PICALM: variants seen among roughly 807,000 people sequenced by gnomAD.
The protein encoded by PICALM is phosphatidylinositol binding clathrin assembly protein.
PICALM carries 40 observed loss-of-function variants against 80.5 expected under a neutral mutation model. That is an observed-to-expected ratio of 0.50 (90% confidence interval 0.39 to 0.65). The LOEUF is 0.65. PICALM is among the 30% of genes least tolerant of loss of function. The probability of loss-of-function intolerance (pLI) is 0.00; values close to 1 mark genes in which losing one functional copy is unlikely to be tolerated. For synonymous variants in PICALM, 288 were observed against 260.3 expected (o/e 1.11, Z -1.02); for missense variants, 676 against 778.9 (o/e 0.87, Z 1.57).
chr11:86,029,101 A>G (rs773914600), intron 2 of PICALM, among the ~76,000 whole-genome samples: 5 of 152,104 alleles, frequency 3.3e-5, no homozygotes, highest in Non-Finnish European at 7.4e-5. Flanking sequence ...GGCCTCCCAA[A>G]TTGCTGGGAT....
At chr11:86,048,972 A>G (rs546768755) in intron 1 of PICALM, among the ~76,000 whole-genome samples, 3 of 152,206 alleles carry the variant, frequency 2.0e-5, no homozygotes, top group South Asian at 2.1e-4. Flanking sequence ...CAATTCTGAA[A>G]ATGGGAGGCA....
intron 1 of PICALM, among the ~76,000 whole-genome samples, chr11:86,044,534 C>A (rs768775420): frequency 1.4e-4 from 22 of 151,728 alleles, no homozygotes; most frequent in Non-Finnish European, 3.1e-4. Context: ...ACAATTAAAA[C>A]AATCTGATCA....
chr11:85,974,555 GCT>G (rs2094213277), intron 19 of PICALM, 151 bp downstream of exon 19: 2 of 720,916 alleles, frequency 2.8e-6, no homozygotes, highest in Non-Finnish European at 5.1e-6. Flanking sequence ...TATTCCTAAA[GCT>G]CTTATATAAG....
At chr11:85,993,906 G>A (rs954484877) in intron 12 of PICALM, among the ~76,000 whole-genome samples, 1 of 151,846 alleles carries the variant, frequency 6.6e-6, no homozygotes, top group East Asian at 1.9e-4. Context: ...ACATGGTAGA[G>A]ACAAGGTATT....
chr11:86,000,640 T>C lies in PICALM; in HGVS notation c.1154+3A>G. The C allele has an allele frequency of 6.2e-7, 1 of 1,610,712 alleles. No homozygotes were observed. The highest frequency in any genetic ancestry group is 8.5e-7 in the Non-Finnish European group (1 of 1,179,104). ...CAAAGGTAACCTTAACTTCTACTCCTACCTGTTAGAAGAACTAGGGGTAGA... is the reference window on the plus strand; with the variant it reads ...CAAAGGTAACCTTAACTTCTACTCCCACCTGTTAGAAGAACTAGGGGTAGA... On this transcript the variant is annotated splice_donor_region_variant and intron_variant, in intron 11 of 19. Coordinates refer to ENST00000393346, the MANE Select transcript of PICALM (RefSeq NM_007166.4).
At chr11:86,068,469 G>A (rs1393077451) in intron 1 of PICALM, among the ~76,000 whole-genome samples, 182 bp downstream of exon 1, 1 of 152,114 alleles carries the variant, frequency 6.6e-6, no homozygotes, top group Non-Finnish European at 1.5e-5. Flanking sequence ...GGGAGCGGAG[G>A]CCGTGAAGGC....
At chr11:86,017,884 T>A (rs796291039) in intron 4 of PICALM, among the ~76,000 whole-genome samples, 2 of 152,254 alleles carry the variant, frequency 1.3e-5, no homozygotes, top group African/African-American at 4.8e-5. Context: ...CACTCTCAAA[T>A]GGTTCAGAAA....
chr11:85,987,913 A>C (rs2094628924), intron 13 of PICALM, among the ~76,000 whole-genome samples: 1 of 152,262 alleles, frequency 6.6e-6, no homozygotes, highest in Admixed American at 6.5e-5. Context: ...AAAAAGGTTA[A>C]ATACTTGCTT....
At chr11:85,994,659 A>G (rs2094900000) in intron 12 of PICALM, among the ~76,000 whole-genome samples, 1 of 152,256 alleles carries the variant, frequency 6.6e-6, no homozygotes, top group South Asian at 2.1e-4. Flanking sequence ...TCAAGTAAAT[A>G]GTTAACTTCA....
chr11:85,983,765 A>G (rs1276203695), intron 14 of PICALM, 101 bp downstream of exon 14: 1 of 529,090 alleles, frequency 1.9e-6, no homozygotes, highest in Non-Finnish European at 3.3e-6. Context: ...TGGCTACCCC[A>G]GTTTAATATA....
chr11:86,065,252 C>A (rs1051315302), intron 1 of PICALM, among the ~76,000 whole-genome samples: 1 of 152,136 alleles, frequency 6.6e-6, no homozygotes, highest in Non-Finnish European at 1.5e-5. Context: ...TCCAGACCAT[C>A]CTGGCCAACA....
chr11:86,045,505 C>A (rs1442512628), intron 1 of PICALM, among the ~76,000 whole-genome samples: 3 of 116,304 alleles, frequency 2.6e-5, no homozygotes, highest in Non-Finnish European at 5.3e-5. Context: ...ATAGTGAGAC[C>A]CTGTCTTGAA....
At chr11:86,009,434 G>A (rs1456283135) in intron 7 of PICALM, among the ~76,000 whole-genome samples, 1 of 151,446 alleles carries the variant, frequency 6.6e-6, no homozygotes, top group South Asian at 2.1e-4. Flanking sequence ...GCTCACGCCT[G>A]TAATCCCAGC....
chr11:86,000,364 T>C (rs769427047), intron 11 of PICALM, among the ~76,000 whole-genome samples: 4 of 152,262 alleles, frequency 2.6e-5, no homozygotes, highest in Non-Finnish European at 4.4e-5. Flanking sequence ...ATGTGTTTAA[T>C]CATAATTTTT....
chr11:85,982,315 C>A (rs1467697902), intron 14 of PICALM: 2 of 215,276 alleles, frequency 9.3e-6, no homozygotes, highest in African/African-American at 4.6e-5. Context: ...GCTAGCCCAG[C>A]AAAATTTTCT....
chr11:85,969,183 G>T (rs918873905), intron 19 of PICALM, among the ~76,000 whole-genome samples: 6 of 152,156 alleles, frequency 3.9e-5, no homozygotes, highest in African/African-American at 1.4e-4. Flanking sequence ...TAGATAAAAT[G>T]TAAGACACAC....
intron 3 of PICALM, among the ~76,000 whole-genome samples, chr11:86,025,272 C>A (rs771197904): frequency 1.3e-5 from 2 of 152,004 alleles, no homozygotes; most frequent in East Asian, 1.9e-4. Flanking sequence ...TGGTGACATG[C>A]GCGGGTAGTC....
At chr11:86,020,348 T>C (rs573069628) in intron 4 of PICALM, among the ~76,000 whole-genome samples, 27 of 150,540 alleles carry the variant, frequency 1.8e-4, no homozygotes, top group Non-Finnish European at 8.8e-5. Flanking sequence ...AGCTATCTTT[T>C]CTGCAGAAAT....
chr11:85,995,852 C>T (rs1189158931), intron 12 of PICALM, among the ~76,000 whole-genome samples: 1 of 152,060 alleles, frequency 6.6e-6, no homozygotes, highest in Non-Finnish European at 1.5e-5. Flanking sequence ...AAATACTTAA[C>T]TTTAAACTAT....
Sources: allele counts gnomAD v4.1 joint callset (sites outside exome capture counted in the v4.1 genomes callset), GRCh38; gene constraint gnomAD v4.1.1; transcripts MANE v1.5; gene names NCBI Gene and HGNC (gene_info 2026-07-23, HGNC 2026-07-21).